The following TAFA4 variants were observed in gnomAD, a reference collection of about 807,000 sequenced individuals.
The protein encoded by TAFA4 is chemokine-like protein TAFA-4.
In TAFA4, 20 loss-of-function variants were observed where a neutral mutation model predicts 21.1. The ratio of observed to expected loss-of-function variants is 0.95; its 90% CI spans 0.67 to 1.38. TAFA4 has a LOEUF of 1.38. TAFA4 is among the 40% of genes most tolerant of loss of function. The pLI, the probability that TAFA4 is intolerant of heterozygous loss-of-function variation, is 0.00. For synonymous variants in TAFA4, 71 were observed against 67.4 expected (o/e 1.05, Z -0.26); for missense variants, 211 against 180.9 (o/e 1.17, Z -0.95).
At chr3:68,786,190 G>T (rs1703257747) in intron 3 of TAFA4, among the ~76,000 whole-genome samples, 1 of 152,182 alleles carries the variant, frequency 6.6e-6, no homozygotes, top group African/African-American at 2.4e-5. Context: ...AAAAGTACTG[G>T]AGGACACCAG....
At chr3:68,743,557 C>T (rs983107570) in intron 4 of TAFA4, among the ~76,000 whole-genome samples, 1 of 135,064 alleles carries the variant, frequency 7.4e-6, no homozygotes. Flanking sequence ...GCCTGGGTGA[C>T]AGAGCAAGAC....
chr3:68,735,777 A>G (rs1300296532), intron 5 of TAFA4, among the ~76,000 whole-genome samples: 2 of 152,130 alleles, frequency 1.3e-5, no homozygotes, highest in Non-Finnish European at 2.9e-5. Flanking sequence ...TCAAGTAGGA[A>G]GTTTGCAAAG....
At chr3:68,744,166 G>C (rs1197881794) in intron 4 of TAFA4, among the ~76,000 whole-genome samples, 2 of 152,238 alleles carry the variant, frequency 1.3e-5, no homozygotes, top group East Asian at 3.9e-4. Flanking sequence ...AAAGGTATCA[G>C]AGTTTCATGA....
At chr3:68,797,912 T>C (rs907550677) in intron 3 of TAFA4, among the ~76,000 whole-genome samples, 1 of 152,206 alleles carries the variant, frequency 6.6e-6, no homozygotes, top group African/African-American at 2.4e-5. Flanking sequence ...AATGCCACCG[T>C]ACTATACACT....
chr3:68,766,246 G>A (rs537074666), intron 3 of TAFA4, among the ~76,000 whole-genome samples: 2 of 151,954 alleles, frequency 1.3e-5, no homozygotes, highest in Admixed American at 1.3e-4. Flanking sequence ...AGATCAAATA[G>A]AGAATGAATA....
chr3:68,884,845 G>A (rs984418295), intron 2 of TAFA4, among the ~76,000 whole-genome samples: 7 of 152,212 alleles, frequency 4.6e-5, no homozygotes, highest in African/African-American at 1.7e-4. Flanking sequence ...TCTAAAACAA[G>A]TATTCACTTA....
intron 3 of TAFA4, among the ~76,000 whole-genome samples, chr3:68,830,094 CT>C (rs765673951): frequency 6.6e-6 from 1 of 152,040 alleles, no homozygotes; most frequent in African/African-American, 2.4e-5. Flanking sequence ...CTTTATTAGT[CT>C]TGCTAACGGT....
chr3:68,896,360 C>T (rs777830503), intron 1 of TAFA4, among the ~76,000 whole-genome samples: 2 of 152,120 alleles, frequency 1.3e-5, no homozygotes, highest in Non-Finnish European at 1.5e-5. Context: ...CTACTGCAGC[C>T]ATCCAAGCAA....
chr3:68,848,433 A>ATG, intron 3 of TAFA4, among the ~76,000 whole-genome samples: 1 of 152,216 alleles, frequency 6.6e-6, no homozygotes, highest in African/African-American at 2.4e-5. Context: ...ACAAGATATA[A>ATG]CTGGAGTTTC....
At chr3:68,903,595 C>T (rs1353412545) in intron 1 of TAFA4, among the ~76,000 whole-genome samples, 2 of 152,202 alleles carry the variant, frequency 1.3e-5, no homozygotes, top group East Asian at 3.9e-4. Flanking sequence ...TTGATCACTA[C>T]ATTTCCATAT....
chr3:68,742,509 C>A (rs983721728), intron 4 of TAFA4, among the ~76,000 whole-genome samples: 21 of 152,108 alleles, frequency 1.4e-4, no homozygotes, highest in Non-Finnish European at 2.5e-4. Flanking sequence ...GCCAGGCACC[C>A]GGCTAATTTC....
At chr3:68,854,905 C>A (rs1705031842) in intron 3 of TAFA4, among the ~76,000 whole-genome samples, 1 of 152,078 alleles carries the variant, frequency 6.6e-6, no homozygotes, top group African/African-American at 2.4e-5. Flanking sequence ...CTTCCCAACA[C>A]AAAGCCTCTA....
chr3:68,898,746 C>G (rs1455441802), intron 1 of TAFA4, among the ~76,000 whole-genome samples: 1 of 152,108 alleles, frequency 6.6e-6, no homozygotes, highest in Non-Finnish European at 1.5e-5. Context: ...TTAGAATAAC[C>G]CTGTAAGGAA....
intron 1 of TAFA4, among the ~76,000 whole-genome samples, chr3:68,905,138 C>T (rs2089886459): frequency 6.8e-6 from 1 of 146,034 alleles, no homozygotes; most frequent in Non-Finnish European, 1.5e-5. Flanking sequence ...CCAAGCCAGG[C>T]AAGATTTCTG....
At chr3:68,811,571 T>C (rs1185325551) in intron 3 of TAFA4, among the ~76,000 whole-genome samples, 1 of 152,056 alleles carries the variant, frequency 6.6e-6, no homozygotes, top group Non-Finnish European at 1.5e-5. Flanking sequence ...AGAAAGGGTA[T>C]CAGTGATGGA....
At chr3:68,823,032 C>A (rs570270630) in intron 3 of TAFA4, among the ~76,000 whole-genome samples, 166 of 152,232 alleles carry the variant, frequency 1.1e-3, no homozygotes, top group African/African-American at 3.8e-3. Context: ...GCCCATTCAA[C>A]CCCTAATGAT....
chr3:68,892,989 A>G (rs2089745433), intron 1 of TAFA4, among the ~76,000 whole-genome samples: 1 of 152,260 alleles, frequency 6.6e-6, no homozygotes, highest in Admixed American at 6.5e-5. Flanking sequence ...GAAATTGCCC[A>G]GGTCTGGGGC....
chr3:68,740,399 C>A (rs1702327457), intron 4 of TAFA4, among the ~76,000 whole-genome samples: 1 of 152,192 alleles, frequency 6.6e-6, no homozygotes, highest in African/African-American at 2.4e-5. Context: ...TGGACAGCAA[C>A]CACTTAAAGT....
At position 68,739,109 on chromosome 3, in the gene TAFA4, G is replaced by A; in HGVS notation, c.377C>T (p.Ser126Phe). The A allele has an allele frequency of 6.2e-7, 1 of 1,613,884 alleles. No homozygotes were observed. Residue 126 changes from serine (S) to phenylalanine (F), a missense_variant, in exon 5 of 6, where the codon TCC (serine) becomes TTC (phenylalanine). Coordinates refer to ENST00000295569, the MANE Select transcript of TAFA4 (RefSeq NM_182522.5). ...CKVLPDYSGW[S>F]CSSGNKVKTT... is the part of the protein sequence containing the mutation. Reference sequence around the variant, plus strand: ...TTTGACTTTATTGCCACTGCTACAGGACCAACCTGAGTAATCTGGCAGCAC... The same window carrying A: ...TTTGACTTTATTGCCACTGCTACAGAACCAACCTGAGTAATCTGGCAGCAC...
Sources: gnomAD v4.1 joint callset for allele counts (sites outside exome capture counted in the v4.1 genomes callset) on GRCh38, gnomAD v4.1.1 for gene constraint, MANE v1.5 for transcripts, NCBI Gene and HGNC (gene_info 2026-07-23, HGNC 2026-07-21) for gene names.